Variants in NRXN3 observed in about 807,000 individuals in gnomAD.
NRXN3 encodes neurexin III.
A neutral mutation model predicts 137.6 loss-of-function variants in NRXN3; 32 were observed. The observed-to-expected ratio is 0.23, with a 90% confidence interval of 0.18 to 0.31. NRXN3 has a LOEUF of 0.31. Among genes scored for constraint, NRXN3 ranks in the 10% least tolerant of loss-of-function variants. The probability of loss-of-function intolerance (pLI) is 1.00; values close to 1 mark genes in which losing one functional copy is unlikely to be tolerated. For missense variants in NRXN3, 1,574 were observed against 2,062.5 expected (o/e 0.76, Z 4.59); for synonymous variants, 798 against 784.5 (o/e 1.02, Z -0.29).
At chr14:78,272,801 T>C (rs2072994616) in intron 2 of NRXN3, among the ~76,000 whole-genome samples, 1 of 152,148 alleles carries the variant, frequency 6.6e-6, no homozygotes, top group Non-Finnish European at 1.5e-5. Flanking sequence ...TTAGTTTCCT[T>C]ATCTGTAAAA....
intron 7 of NRXN3, among the ~76,000 whole-genome samples, chr14:78,710,214 TA>T (rs2098394623): frequency 1.3e-5 from 2 of 152,228 alleles, no homozygotes; most frequent in Admixed American, 6.5e-5. Context: ...TCCTTTGGTG[TA>T]AAAGCCTATA....
chr14:79,601,325 G>T (rs2153834782), intron 16 of NRXN3, among the ~76,000 whole-genome samples: 1 of 152,230 alleles, frequency 6.6e-6, no homozygotes, highest in East Asian at 1.9e-4. Context: ...ACAGGCAGGA[G>T]CCACCGTGCC....
chr14:78,564,974 G>C (rs1236375652), intron 4 of NRXN3, among the ~76,000 whole-genome samples: 1 of 152,134 alleles, frequency 6.6e-6, no homozygotes, highest in East Asian at 1.9e-4. Context: ...TTTCTAAAGT[G>C]CTCAGCAGCA....
chr14:79,565,310 C>T (rs1205738530), intron 16 of NRXN3, among the ~76,000 whole-genome samples: 2 of 114,044 alleles, frequency 1.8e-5, no homozygotes, highest in Admixed American at 1.7e-4. Context: ...TATACATATA[C>T]ACACACATGT....
chr14:79,043,689 G>A (rs2099628659), intron 15 of NRXN3, among the ~76,000 whole-genome samples: 1 of 152,150 alleles, frequency 6.6e-6, no homozygotes, highest in Non-Finnish European at 1.5e-5. Context: ...TGGCGGCAGT[G>A]TGGCTTGTGG....
At chr14:79,528,171 T>C (rs2097138676) in intron 16 of NRXN3, among the ~76,000 whole-genome samples, 1 of 152,210 alleles carries the variant, frequency 6.6e-6, no homozygotes, top group African/African-American at 2.4e-5. Context: ...TTTATTATAG[T>C]TTCTTGTGAA....
intron 10 of NRXN3, among the ~76,000 whole-genome samples, chr14:78,863,759 A>T (rs2099079247): frequency 6.6e-6 from 1 of 152,138 alleles, no homozygotes; most frequent in South Asian, 2.1e-4. Flanking sequence ...CATAAAAATA[A>T]ACTGAAAAAT....
rs76998365 is a variant in NRXN3 at position 78,418,983 on chromosome 14, C to T, written c.757+121123C>T. ...TATATTACCTCCCAAACAACATTTA[C>T]ACTAACAAGTGCAGCCAATGTTTAT... On this transcript the variant is annotated intron_variant, in intron 4 of 20. Coordinates refer to ENST00000335750, the MANE Select transcript of NRXN3 (RefSeq NM_001330195.2). 4.4e-3 allele frequency among the ~76,000 whole-genome samples: 676 copies of T among 152,320 alleles called. 29 individuals are homozygous for T. The East Asian group carries it at 0.066, about 15-fold the overall frequency.
At chr14:78,767,741 A>G (rs2098713577) in intron 8 of NRXN3, among the ~76,000 whole-genome samples, 1 of 152,178 alleles carries the variant, frequency 6.6e-6, no homozygotes, top group Non-Finnish European at 1.5e-5. Flanking sequence ...TTAAAAGACA[A>G]CACACTAGAC....
intron 6 of NRXN3, among the ~76,000 whole-genome samples, chr14:78,690,263 A>T (rs2098160149): frequency 6.6e-6 from 1 of 152,206 alleles, no homozygotes; most frequent in Non-Finnish European, 1.5e-5. Context: ...ATTATGGATC[A>T]TAGACCAAGT....
At chr14:78,947,297 A>G (rs1197577017) in intron 10 of NRXN3, among the ~76,000 whole-genome samples, 1 of 152,058 alleles carries the variant, frequency 6.6e-6, no homozygotes, top group Non-Finnish European at 1.5e-5. Context: ...TCCCAATTTT[A>G]CCTTATATTT....
At chr14:78,899,909 A>G (rs2152737834) in intron 10 of NRXN3, among the ~76,000 whole-genome samples, 1 of 152,068 alleles carries the variant, frequency 6.6e-6, no homozygotes, top group East Asian at 1.9e-4. Context: ...GATAACGTGG[A>G]GCTTTCCTCT....
rs55909861 is a variant in NRXN3, at chr14:78,891,803, C to T, written c.2276-65439C>T. Among the ~76,000 whole-genome samples the T allele has an allele frequency of 7.1e-3, 1,086 of 152,014 alleles. 14 individuals are homozygous for T. The highest frequency in any genetic ancestry group is 0.017 in the African/African-American group (696 of 41,516). ...TACACATGCATTTTTCAAATGTATG[C>T]GTCTGCAATAAATATTTGTTAAATG... On this transcript the variant is annotated intron_variant, in intron 10 of 20. Coordinates refer to ENST00000335750, the MANE Select transcript of NRXN3 (RefSeq NM_001330195.2).
intron 4 of NRXN3, among the ~76,000 whole-genome samples, chr14:78,357,099 C>G (rs1161329380): frequency 6.6e-6 from 1 of 152,144 alleles, no homozygotes; most frequent in African/African-American, 2.4e-5. Context: ...AGTCAGTTTT[C>G]ATGCTGCTGA....
At position 79,441,677 on chromosome 14, in the gene NRXN3, A is replaced by G. The variant is rs201807838; in HGVS notation, c.3263-25544A>G. Among the ~76,000 whole-genome samples the G allele has an allele frequency of 2.6e-4, 40 of 151,720 alleles. No individual in the cohort carries two copies. The East Asian group carries it at 5.7e-3, about 21-fold the overall frequency. On this transcript the variant is annotated intron_variant, in intron 15 of 20. Coordinates refer to ENST00000335750, the MANE Select transcript of NRXN3 (RefSeq NM_001330195.2). ...TTACAGGCGTGAGCCACCACACCCG[A>G]CCGACAAACAGAAAATCTTAGAGGG... is the stretch of plus-strand genomic sequence containing the variant.
intron 15 of NRXN3, among the ~76,000 whole-genome samples, chr14:79,295,582 G>A (rs1400534584): frequency 1.3e-5 from 2 of 152,094 alleles, no homozygotes; most frequent in Non-Finnish European, 2.9e-5. Context: ...TGGACTCCCA[G>A]TACCTAAGGC....
intron 16 of NRXN3, among the ~76,000 whole-genome samples, chr14:79,532,577 C>A (rs77706532): frequency 1.2e-4 from 18 of 152,074 alleles, no homozygotes; most frequent in African/African-American, 4.3e-4. Context: ...GTTGTTACGA[C>A]GGCTTACTCT....
chr14:78,713,149 C>A (rs1272637486), intron 7 of NRXN3, among the ~76,000 whole-genome samples: 1 of 152,192 alleles, frequency 6.6e-6, no homozygotes, highest in Non-Finnish European at 1.5e-5. Context: ...GGCCTAGGGT[C>A]ATAAAGACAT....
At chr14:79,218,633 T>C (rs1332593293) in intron 15 of NRXN3, among the ~76,000 whole-genome samples, 1 of 152,276 alleles carries the variant, frequency 6.6e-6, no homozygotes, top group East Asian at 1.9e-4. Context: ...TGATAAAAGG[T>C]AGCTCTGCAA....
Sources: gnomAD v4.1 joint callset for allele counts (sites outside exome capture counted in the v4.1 genomes callset) on GRCh38, gnomAD v4.1.1 for gene constraint, MANE v1.5 for transcripts, NCBI Gene and HGNC (gene_info 2026-07-23, HGNC 2026-07-21) for gene names.